The following IFT88 variants were observed in gnomAD, a reference collection of about 807,000 sequenced individuals.
IFT88 encodes the protein intraflagellar transport 88.
A neutral mutation model predicts 119.5 loss-of-function variants in IFT88; 74 were observed. That is an observed-to-expected ratio of 0.62 (90% CI 0.51 to 0.75). The LOEUF (loss-of-function observed/expected upper bound fraction) is 0.75, where lower values mean the gene tolerates loss of function less well. Among genes scored for constraint, IFT88 ranks in the 30% least tolerant of loss-of-function variants. IFT88 has a pLI of 0.00. For missense variants in IFT88, 961 were observed against 977.7 expected (o/e 0.98, Z 0.23); for synonymous variants, 279 against 316.7 (o/e 0.88, Z 1.26).
intron 14 of IFT88, among the ~76,000 whole-genome samples, chr13:20,616,820 T>TG (rs1440359648): frequency 1.3e-5 from 2 of 152,332 alleles, no homozygotes; most frequent in Non-Finnish European, 2.9e-5. Context: ...ACATGAGGTG[T>TG]GATACAGCAT....
intron 16 of IFT88, chr13:20,632,139 CAAAAAAAAA>C (rs57700458): frequency 8.1e-6 from 1 of 123,324 alleles, no homozygotes; most frequent in South Asian, 2.8e-4. Context: ...ACCTTGTCTC[CAAAAAAAAA>C]AAAAAAAAAA....
chr13:20,567,882 G>A, intron 1 of IFT88: 1 of 599,110 alleles, frequency 1.7e-6, no homozygotes, highest in Non-Finnish European at 2.6e-6. Flanking sequence ...TTTTTTTTTC[G>A]AGAAACTGCA....
chr13:20,615,474 A>C (rs1349132195), intron 13 of IFT88, among the ~76,000 whole-genome samples: 1 of 152,184 alleles, frequency 6.6e-6, no homozygotes, highest in Non-Finnish European at 1.5e-5. Context: ...TCGTGTCTGC[A>C]GTGTAGGCTA....
At chr13:20,624,819 A>G (rs773658506) in intron 14 of IFT88, among the ~76,000 whole-genome samples, 1 of 152,198 alleles carries the variant, frequency 6.6e-6, no homozygotes, top group Non-Finnish European at 1.5e-5. Context: ...ATGGTATACA[A>G]AATGATGTTT....
rs966315659 is a variant in IFT88, at chr13:20,617,089, G to A, written c.1199+1210G>A. Among the ~76,000 whole-genome samples the A allele has an allele frequency of 1.4e-4, 22 of 151,978 alleles. 1 individual carries two copies. Among genetic ancestry groups the A allele is most frequent in the South Asian group, 4.2e-4 (2 of 4,794 alleles). Reference sequence around the variant, plus strand: ...CTCCCAAGTAGCTGGGACTACAGGCGCCCGCCACCAAGCCCAGCTAATTTT... The same window carrying A: ...CTCCCAAGTAGCTGGGACTACAGGCACCCGCCACCAAGCCCAGCTAATTTT... On this transcript the variant is annotated intron_variant, in intron 14 of 25. Transcript: ENST00000351808.
chr13:20,651,119 CT>C (rs1024178651), intron 20 of IFT88, among the ~76,000 whole-genome samples: 2 of 151,942 alleles, frequency 1.3e-5, no homozygotes, highest in Non-Finnish European at 2.9e-5. Flanking sequence ...AGTTCTTCAA[CT>C]TTTTTCTTTT....
chr13:20,670,207 A>G (rs2055558171), intron 23 of IFT88, among the ~76,000 whole-genome samples: 1 of 152,224 alleles, frequency 6.6e-6, no homozygotes, highest in South Asian at 2.1e-4. Context: ...AGTTTAATTC[A>G]ATTATAAACA....
At chr13:20,591,758 G>A (rs1178578026) in intron 6 of IFT88, 77 bp downstream of exon 6, 1 of 912,620 alleles carries the variant, frequency 1.1e-6, no homozygotes, top group Non-Finnish European at 1.7e-6. Context: ...AAATATTACT[G>A]TCATTTTAAA....
At chr13:20,668,616 T>A (rs1177337095) in intron 23 of IFT88, among the ~76,000 whole-genome samples, 3 of 152,166 alleles carry the variant, frequency 2.0e-5, no homozygotes, top group African/African-American at 4.8e-5. Flanking sequence ...AAACACCACA[T>A]TCTCTGTGCA....
chr13:20,690,947 C>T, intron 25 of IFT88, 107 bp from the exon 26 acceptor site: 1 of 1,428,742 alleles, frequency 7.0e-7, no homozygotes, highest in Non-Finnish European at 9.7e-7. Flanking sequence ...CTTGGGAGAC[C>T]ATTTCTGTTC....
At chr13:20,663,433 T>C in intron 22 of IFT88, 65 bp from the exon 23 acceptor site, 1 of 1,586,292 alleles carries the variant, frequency 6.3e-7, no homozygotes, top group East Asian at 2.3e-5. Context: ...GTTCACTGAT[T>C]TATTGAGCTT....
chr13:20,596,995 A>G lies in IFT88; in HGVS notation c.490-20A>G. The G allele has an allele frequency of 7.2e-7, 1 of 1,387,192 alleles. No individual in the cohort carries two copies. Among genetic ancestry groups the G allele is most frequent in the South Asian group, 1.3e-5 (1 of 78,046 alleles). 85.9% of individuals were successfully genotyped at this position (1,387,192 alleles called of 1,614,324 possible). On this transcript the variant is annotated intron_variant, in intron 8 of 25. Coordinates refer to ENST00000351808, the MANE Select transcript of IFT88 (RefSeq NM_006531.5). ...TGATGAACACTCAAAGGAAGTTACA[A>G]GGTATAAATCTGATTTCAGGCCTTA...
At chr13:20,679,473 G>T (rs964868240) in intron 24 of IFT88, among the ~76,000 whole-genome samples, 36 of 152,346 alleles carry the variant, frequency 2.4e-4, no homozygotes, top group African/African-American at 8.2e-4. Context: ...GTAATAATAT[G>T]CGCAGAAGGA....
intron 14 of IFT88, among the ~76,000 whole-genome samples, chr13:20,623,654 T>C (rs1283691212): frequency 6.6e-6 from 1 of 152,100 alleles, no homozygotes; most frequent in Non-Finnish European, 1.5e-5. Context: ...TTTTTTGTAT[T>C]TTTAGTAGAG....
Position 20,615,892 on chromosome 13 carries a change from G to A in IFT88, c.1199+13G>A, listed in dbSNP as rs1396005027. ...CAGGTTATGATTGGTAAGAGAGAAA[G>A]TCTATAATACTGCATAGATGTGGTT... On this transcript the variant is annotated intron_variant, in intron 14 of 25. Coordinates refer to ENST00000351808, the MANE Select transcript of IFT88 (RefSeq NM_006531.5). The A allele has an allele frequency of 1.3e-6, 2 of 1,483,978 alleles. No individual in the cohort carries two copies. Among genetic ancestry groups the A allele is most frequent in the Non-Finnish European group, 9.3e-7 (1 of 1,070,816 alleles). The allele number at this position is 1,483,978 out of a possible 1,614,324, so 91.9% of individuals were successfully genotyped here.
At chr13:20,611,353 C>G (rs1369548782) in intron 13 of IFT88, among the ~76,000 whole-genome samples, 1 of 151,342 alleles carries the variant, frequency 6.6e-6, no homozygotes, top group East Asian at 2.0e-4. Context: ...CATGGCAAAA[C>G]TCTGTCTCTA....
At position 20,691,381 on chromosome 13, in the gene IFT88, C is replaced by T; in HGVS notation, c.*206C>T. The T allele has an allele frequency of 2.5e-6, 1 of 404,128 alleles. No homozygotes were observed. Among genetic ancestry groups the T allele is most frequent in the South Asian group, 4.8e-5 (1 of 20,852 alleles). 25.0% of individuals were successfully genotyped at this position (404,128 alleles called of 1,614,324 possible). A position where few individuals can be genotyped will look rare whatever the true frequency, so the allele number is the denominator to read the frequency against. Reference sequence around the variant, plus strand: ...TAAAACTAATACTTTAGGCCAGTGACTTCCTTAGCTTTTTGAAAACATTGA... The same window carrying T: ...TAAAACTAATACTTTAGGCCAGTGATTTCCTTAGCTTTTTGAAAACATTGA... On this transcript the variant is annotated 3_prime_UTR_variant, in exon 26 of 26. Coordinates refer to ENST00000351808, the MANE Select transcript of IFT88 (RefSeq NM_006531.5).
At position 20,598,715 on chromosome 13, in the gene IFT88, A is replaced by G. The variant is rs891015277; in HGVS notation, c.659A>G (p.Tyr220Cys). The G allele has an allele frequency of 3.1e-6, 5 of 1,610,460 alleles. No individual in the cohort carries two copies. Among genetic ancestry groups the G allele is most frequent in the Non-Finnish European group, 4.2e-6 (5 of 1,177,442 alleles). The change falls in exon 10 of 26, where the codon TAT becomes TGT. Residue 220 changes from tyrosine (Y) to cysteine (C), a missense_variant. Transcript: ENST00000351808. ...ATGTATGCCGAAGCACTTAACACTT[A>G]TCAAGTTATAGTCAAAAATAAGATG... ...NEMYAEALNT[Y>C]QVIVKNKMFS...
At chr13:20,607,575 T>C (rs2043720664) in intron 13 of IFT88, 2 of 737,642 alleles carry the variant, frequency 2.7e-6, no homozygotes, top group African/African-American at 3.5e-5. Flanking sequence ...CTTGAGAGAT[T>C]TGCGGATCCA....
Sources: gnomAD v4.1 joint callset for allele counts (sites outside exome capture counted in the v4.1 genomes callset) on GRCh38, gnomAD v4.1.1 for gene constraint, MANE v1.5 for transcripts, NCBI Gene and HGNC (gene_info 2026-07-23, HGNC 2026-07-21) for gene names.